STK32A: variants seen among roughly 807,000 people sequenced by gnomAD.
STK32A encodes the protein serine/threonine-protein kinase 32A.
Under a neutral mutation model 53.2 loss-of-function variants are expected in STK32A, and 41 were observed. That is an observed-to-expected ratio of 0.77 (90% CI 0.60 to 1.00). The LOEUF (loss-of-function observed/expected upper bound fraction) is 1.00. Ranked by LOEUF, STK32A falls within the 50% of genes least tolerant of loss-of-function variation. STK32A has a pLI of 0.00. For missense variants in STK32A, 458 were observed against 485.8 expected (o/e 0.94, Z 0.54); for synonymous variants, 166 against 162.8 (o/e 1.02, Z -0.15).
chr5:147,344,590 C>G (rs1401845871), intron 6 of STK32A, among the ~76,000 whole-genome samples: 1 of 152,178 alleles, frequency 6.6e-6, no homozygotes, highest in Admixed American at 6.5e-5. Flanking sequence ...CTGGGCAGCA[C>G]AGAGAGACCC....
intron 5 of STK32A, among the ~76,000 whole-genome samples, chr5:147,338,393 CCT>C (rs1181717815): frequency 2.0e-5 from 3 of 152,282 alleles, no homozygotes; most frequent in Non-Finnish European, 4.4e-5. Context: ...GTCTGTTAAA[CCT>C]CTTTTTCTTT....
chr5:147,285,668 G>A (rs904283785), intron 4 of STK32A, among the ~76,000 whole-genome samples: 2 of 152,020 alleles, frequency 1.3e-5, no homozygotes, highest in African/African-American at 4.8e-5. Context: ...TATACAAATG[G>A]CCAGCAAACA....
intron 2 of STK32A, among the ~76,000 whole-genome samples, chr5:147,243,682 A>C (rs182600674): frequency 6.8e-6 from 1 of 147,762 alleles, no homozygotes; most frequent in Non-Finnish European, 1.5e-5. Context: ...TGAAGTTTGC[A>C]GTGAGCTGAG....
At chr5:147,365,363 T>C (rs908232976) in intron 8 of STK32A, among the ~76,000 whole-genome samples, 1 of 152,216 alleles carries the variant, frequency 6.6e-6, no homozygotes, top group Non-Finnish European at 1.5e-5. Flanking sequence ...GAGGAAGTCA[T>C]TGTAGCACTA....
chr5:147,395,218 T>A, the STK32A span, among the ~76,000 whole-genome samples: 1 of 152,236 alleles, frequency 6.6e-6, no homozygotes, highest in South Asian at 2.1e-4. Context: ...AAACATACTA[T>A]GTTGCATAGC....
At chr5:147,399,798 T>C in the STK32A span, among the ~76,000 whole-genome samples, 1 of 152,228 alleles carries the variant, frequency 6.6e-6, no homozygotes, top group Non-Finnish European at 1.5e-5. Context: ...ATATATTATC[T>C]TGGAACTATT....
Position 147,319,304 on chromosome 5 carries a change from G to T in STK32A, c.261-4594G>T, listed in dbSNP as rs531056381. Among the ~76,000 whole-genome samples the T allele has an allele frequency of 7.2e-5, 11 of 151,836 alleles. No homozygotes were observed. The South Asian group carries it at 2.3e-3, about 32-fold the overall frequency. On this transcript the variant is annotated intron_variant, in intron 4 of 12. Transcript: ENST00000397936. ...CCTACGGGTGCATGCCACCACCCCC[G>T]GCTAATTTTTTGTATTTTTAGTAGA...
intron 4 of STK32A, among the ~76,000 whole-genome samples, chr5:147,308,997 T>C (rs1004451404): frequency 1.1e-4 from 16 of 151,514 alleles, no homozygotes; most frequent in African/African-American, 3.4e-4. Context: ...ATTCTATTTA[T>C]ATATATTCCT....
chr5:147,371,920 T>A (rs1483648425), intron 9 of STK32A, among the ~76,000 whole-genome samples: 1 of 152,200 alleles, frequency 6.6e-6, no homozygotes, highest in Non-Finnish European at 1.5e-5. Context: ...AAATATCACC[T>A]TCTTGGTGTA....
At position 147,356,907 on chromosome 5, in the gene STK32A, A is replaced by C. The variant is rs75882605; in HGVS notation, c.563-4610A>C. ...TTTGTAGTAAAAATCCTGTTAGCAG[A>C]ATTATGTCCTGGAACTTAGTTATTT... is the stretch of plus-strand genomic sequence containing the variant. On this transcript the variant is annotated intron_variant, in intron 7 of 12. Coordinates refer to ENST00000397936, the MANE Select transcript of STK32A (RefSeq NM_001112724.2). Among the ~76,000 whole-genome samples, 452 of 152,252 alleles carry C rather than the reference A, an allele frequency of 3.0e-3. 2 individuals are homozygous for C. The highest frequency in any genetic ancestry group is 0.01 in the African/African-American group (427 of 41,564).
chr5:147,398,989 C>T, the STK32A span: 5 of 1,505,868 alleles, frequency 3.3e-6, no homozygotes, highest in Non-Finnish European at 3.6e-6. Context: ...CCTAGTCTAA[C>T]TACCCTGGCA....
intron 6 of STK32A, among the ~76,000 whole-genome samples, chr5:147,343,930 A>T (rs1755561219): frequency 6.6e-6 from 1 of 152,244 alleles, no homozygotes. Flanking sequence ...TTCAAGAACT[A>T]CTGATTACAC....
intron 5 of STK32A, among the ~76,000 whole-genome samples, chr5:147,333,978 T>C (rs1384469679): frequency 6.6e-6 from 1 of 152,098 alleles, no homozygotes; most frequent in African/African-American, 2.4e-5. Flanking sequence ...TAACATTATA[T>C]ATAAGAAAGC....
intron 4 of STK32A, among the ~76,000 whole-genome samples, chr5:147,295,444 G>A (rs934843554): frequency 3.9e-5 from 6 of 152,178 alleles, no homozygotes; most frequent in African/African-American, 1.2e-4. Context: ...GCAAGAACCC[G>A]AAAGCTAAAA....
At chr5:147,252,882 A>G (rs1017769953) in intron 2 of STK32A, among the ~76,000 whole-genome samples, 1 of 152,118 alleles carries the variant, frequency 6.6e-6, no homozygotes, top group Non-Finnish European at 1.5e-5. Context: ...TATTTTGTTC[A>G]CTTTTGTATC....
intron 2 of STK32A, among the ~76,000 whole-genome samples, chr5:147,269,277 G>C (rs868660247): frequency 2.0e-5 from 3 of 152,280 alleles, no homozygotes; most frequent in African/African-American, 7.2e-5. Flanking sequence ...GACCCCTGAA[G>C]GCAGGCAACC....
intron 2 of STK32A, among the ~76,000 whole-genome samples, chr5:147,268,173 G>T (rs1317625918): frequency 1.3e-5 from 2 of 152,090 alleles, no homozygotes; most frequent in Non-Finnish European, 2.9e-5. Flanking sequence ...TATTGCAGTT[G>T]TTTATTTATG....
At chr5:147,344,121 A>G (rs1755570722) in intron 6 of STK32A, among the ~76,000 whole-genome samples, 1 of 152,194 alleles carries the variant, frequency 6.6e-6, no homozygotes, top group African/African-American at 2.4e-5. Context: ...AGGCTGCTAG[A>G]TGAGGAGAGT....
chr5:147,392,092 AATGAGGTAT>A (rs889980542), downstream of STK32A: 26 of 152,190 alleles, frequency 1.7e-4, no homozygotes, highest in African/African-American at 5.3e-4. Flanking sequence ...CAGCCTAGTC[AATGAGGTAT>A]ATGCTTCAGA....
Sources: allele counts gnomAD v4.1 joint callset (sites outside exome capture counted in the v4.1 genomes callset), GRCh38; gene constraint gnomAD v4.1.1; transcripts MANE v1.5; gene names NCBI Gene and HGNC (gene_info 2026-07-23, HGNC 2026-07-21).